The following FLI1 variants were observed in gnomAD, a reference collection of about 807,000 sequenced individuals.
FLI1 encodes the protein Fli-1 proto-oncogene, ETS transcription factor.
Under a neutral mutation model 53.1 loss-of-function variants are expected in FLI1, and 13 were observed. That is an observed-to-expected ratio of 0.24 (90% CI 0.16 to 0.39). The LOEUF is 0.39. Among genes scored for constraint, FLI1 ranks in the 10% least tolerant of loss-of-function variants. The pLI, the probability that FLI1 is intolerant of heterozygous loss-of-function variation, is 1.00. For synonymous variants in FLI1, 244 were observed against 236.7 expected, an observed-to-expected ratio of 1.03 and a Z score of -0.28; for missense variants, 424 against 600.5, an observed-to-expected ratio of 0.71 and a Z score of 3.07.
chr11:128,783,917 G>C (rs1205972919), intron 5 of FLI1, among the ~76,000 whole-genome samples: 1 of 152,010 alleles, frequency 6.6e-6, no homozygotes, highest in East Asian at 1.9e-4. Flanking sequence ...AAAATGACTA[G>C]AGGGAGAGAG....
chr11:128,710,042 A>T (rs781276205), intron 1 of FLI1, among the ~76,000 whole-genome samples: 1 of 152,212 alleles, frequency 6.6e-6, no homozygotes, highest in Non-Finnish European at 1.5e-5. Flanking sequence ...TTGAAGTCAC[A>T]AGTGATGGAG....
intron 1 of FLI1, among the ~76,000 whole-genome samples, chr11:128,730,067 G>C (rs1313524510): frequency 6.6e-6 from 1 of 152,170 alleles, no homozygotes; most frequent in Non-Finnish European, 1.5e-5. Context: ...GTTAGCAAGG[G>C]AAGTTTCAGG....
intron 2 of FLI1, among the ~76,000 whole-genome samples, chr11:128,767,341 C>G (rs1941381499): frequency 2.0e-5 from 3 of 152,212 alleles, no homozygotes; most frequent in African/African-American, 7.2e-5. Context: ...TCCATTCCTT[C>G]TCCAAGTAGC....
At chr11:128,780,711 G>A (rs532389024) in intron 4 of FLI1, among the ~76,000 whole-genome samples, 19 of 152,296 alleles carry the variant, frequency 1.2e-4, no homozygotes, top group African/African-American at 3.8e-4. Flanking sequence ...ACTCCATTTC[G>A]GCATCCCTTC....
intron 1 of FLI1, among the ~76,000 whole-genome samples, chr11:128,755,636 A>C (rs1011536581): frequency 6.6e-6 from 1 of 152,228 alleles, no homozygotes; most frequent in African/African-American, 2.4e-5. Context: ...TGAAATCAAG[A>C]GTGGATATAA....
At chr11:128,717,380 C>T (rs1939060377) in intron 1 of FLI1, among the ~76,000 whole-genome samples, 1 of 152,142 alleles carries the variant, frequency 6.6e-6, no homozygotes, top group Non-Finnish European at 1.5e-5. Flanking sequence ...TACTTGCTAC[C>T]TGTAAGAAAT....
chr11:128,691,004 G>A (rs1449213451), upstream of FLI1, among the ~76,000 whole-genome samples: 3 of 152,176 alleles, frequency 2.0e-5, no homozygotes, highest in African/African-American at 7.2e-5. Context: ...TCCCCAAGCT[G>A]GGCCCAGAGA....
At chr11:128,734,214 A>G (rs911284433) in intron 1 of FLI1, among the ~76,000 whole-genome samples, 6 of 152,252 alleles carry the variant, frequency 3.9e-5, no homozygotes, top group African/African-American at 1.4e-4. Flanking sequence ...GATGTTTTGC[A>G]TATTAAACAG....
At position 128,758,244 on chromosome 11, in the gene FLI1, C is replaced by T; in HGVS notation, c.148C>T (p.Pro50Ser). 1.2e-6 allele frequency: 2 copies of T among 1,613,540 alleles called. No individual in the cohort carries two copies. Among genetic ancestry groups the T allele is most frequent in the Non-Finnish European group, 1.7e-6 (2 of 1,179,714 alleles). The part of the protein sequence containing the change: ...PDYGQPHKIN[P>S]LPPQQEWINQ... ...CTACGGGCAGCCCCACAAGATCAAC[C>T]CCCTCCCACCACAGCAGGAGTGGAT... is the stretch of plus-strand genomic sequence containing the variant. Residue 50 changes from proline (P) to serine (S), a missense_variant, in exon 2 of 9, where the codon CCC becomes TCC. Physicochemically the swap from Pro to Ser is moderately conservative, Grantham distance 74. Transcript: ENST00000527786.
chr11:128,764,814 C>T (rs563012198), intron 2 of FLI1: 298 of 1,592,672 alleles, frequency 1.9e-4, no homozygotes, highest in South Asian at 1.4e-3. Context: ...GGCAGGCGAG[C>T]GGGCGAGGTA....
chr11:128,711,596 A>G (rs1217667273), intron 1 of FLI1, among the ~76,000 whole-genome samples: 1 of 152,264 alleles, frequency 6.6e-6, no homozygotes, highest in Non-Finnish European at 1.5e-5. Context: ...AAAGAAAGGT[A>G]TGGGCTTTGC....
At chr11:128,707,982 A>G (rs1187372004) in intron 1 of FLI1, among the ~76,000 whole-genome samples, 1 of 152,170 alleles carries the variant, frequency 6.6e-6, no homozygotes, top group Non-Finnish European at 1.5e-5. Flanking sequence ...TTGTTCAGAC[A>G]TTTGCATGCT....
At chr11:128,766,793 T>C (rs752567291) in intron 2 of FLI1, among the ~76,000 whole-genome samples, 72 of 152,040 alleles carry the variant, frequency 4.7e-4, no homozygotes, top group Admixed American at 1.0e-3. Context: ...CTTTGGAACG[T>C]CCGGAGAGGT....
At chr11:128,770,547 T>A (rs1339967578) in intron 3 of FLI1, among the ~76,000 whole-genome samples, 1 of 152,198 alleles carries the variant, frequency 6.6e-6, no homozygotes, top group Non-Finnish European at 1.5e-5. Context: ...GGAAATGCAT[T>A]TGGAAGAGTT....
chr11:128,721,444 G>C (rs1448452255), intron 1 of FLI1, among the ~76,000 whole-genome samples: 2 of 152,200 alleles, frequency 1.3e-5, no homozygotes, highest in Non-Finnish European at 2.9e-5. Context: ...TGCCTGTCAA[G>C]TTATAAAAGG....
intron 5 of FLI1, among the ~76,000 whole-genome samples, chr11:128,800,690 C>A (rs1293679874): frequency 6.6e-6 from 1 of 152,178 alleles, no homozygotes; most frequent in Non-Finnish European, 1.5e-5. Flanking sequence ...ATCTAAGAGG[C>A]CATTTAGTGT....
chr11:128,694,247 A>T lies in FLI1; in HGVS notation c.-12A>T. On this transcript the variant is annotated 5_prime_UTR_variant, in exon 1 of 9. Coordinates refer to ENST00000527786, the MANE Select transcript of FLI1 (RefSeq NM_002017.5). Reference sequence around the variant, plus strand: ...GTGGAATATTGGGGGGCTCGGCTGCAGACTTGGCCAAATGGACGGGACTAT... The same window carrying T: ...GTGGAATATTGGGGGGCTCGGCTGCTGACTTGGCCAAATGGACGGGACTAT... 1 of 1,484,472 alleles carries T rather than the reference A, an allele frequency of 6.7e-7. No individual in the cohort carries two copies. Among genetic ancestry groups the T allele is most frequent in the Non-Finnish European group, 9.0e-7 (1 of 1,114,478 alleles). 92.0% of individuals were successfully genotyped at this position (1,484,472 alleles called of 1,614,324 possible).
At chr11:128,797,305 T>C (rs1202155390) in intron 5 of FLI1, among the ~76,000 whole-genome samples, 1 of 152,238 alleles carries the variant, frequency 6.6e-6, no homozygotes, top group Admixed American at 6.5e-5. Context: ...GTTTCTTAGC[T>C]AACTTTGCTA....
At chr11:128,788,899 C>A (rs998899008) in intron 5 of FLI1, among the ~76,000 whole-genome samples, 5 of 152,112 alleles carry the variant, frequency 3.3e-5, no homozygotes, top group Non-Finnish European at 7.3e-5. Flanking sequence ...ACACTACCTA[C>A]CCTCAAGCAG....
Sources: allele counts gnomAD v4.1 joint callset (sites outside exome capture counted in the v4.1 genomes callset), GRCh38; gene constraint gnomAD v4.1.1; transcripts MANE v1.5; gene names NCBI Gene and HGNC (gene_info 2026-07-23, HGNC 2026-07-21).